The following UIMC1 variants were observed in gnomAD, a reference collection of about 807,000 sequenced individuals.
UIMC1 encodes BRCA1-A complex subunit RAP80.
Under a neutral mutation model 84.9 loss-of-function variants are expected in UIMC1, and 42 were observed. That is an observed-to-expected ratio of 0.49 (90% CI 0.39 to 0.64). The LOEUF is 0.64. UIMC1 is among the 30% of genes least tolerant of loss of function. UIMC1 has a pLI of 0.00. For synonymous variants in UIMC1, 281 were observed against 293.0 expected, an observed-to-expected ratio of 0.96 and a Z score of 0.42; for missense variants, 825 against 847.6, an observed-to-expected ratio of 0.97 and a Z score of 0.33.
chr5:177,019,943 T>C (rs1166841141), intron 1 of UIMC1, among the ~76,000 whole-genome samples: 3 of 151,542 alleles, frequency 2.0e-5, no homozygotes, highest in Admixed American at 6.6e-5. Context: ...AAAAAAAAAT[T>C]GTAAAACACT....
intron 10 of UIMC1, among the ~76,000 whole-genome samples, chr5:176,929,878 G>T (rs1428077152): frequency 1.3e-5 from 2 of 152,122 alleles, no homozygotes; most frequent in Non-Finnish European, 2.9e-5. Context: ...TCCTTCTAAA[G>T]AATCATCAAT....
intron 10 of UIMC1, among the ~76,000 whole-genome samples, chr5:176,925,791 A>C (rs1762321407): frequency 6.6e-6 from 1 of 152,132 alleles, no homozygotes; most frequent in South Asian, 2.1e-4. Flanking sequence ...ATATGAGGGA[A>C]TCTTCCAGGG....
chr5:177,013,080 C>CAAA (rs35280210), intron 1 of UIMC1, among the ~76,000 whole-genome samples: 1,500 of 131,596 alleles, frequency 0.011, 7 homozygotes, highest in South Asian at 0.025. Context: ...GATCTTGTAT[C>CAAA]AAAAAAAAAA....
At chr5:176,911,196 A>C (rs1760163068) in intron 11 of UIMC1, 115 bp downstream of exon 11, 9 of 709,844 alleles carry the variant, frequency 1.3e-5, no homozygotes, top group Non-Finnish European at 1.5e-5. Flanking sequence ...CATCCAAGCA[A>C]TGAAGCAATT....
Position 176,998,183 on chromosome 5 carries a change from G to A in UIMC1, c.-9+8467C>T, listed in dbSNP as rs115921952. ...ACCAAATGCTGTGGCAAATGATAGG[G>A]GATCAATAAATACTTATTTGCAGTG... On this transcript the variant is annotated intron_variant, in intron 1 of 14. Transcript: ENST00000511320. Among the ~76,000 whole-genome samples, 503 of 152,090 alleles carry A rather than the reference G, an allele frequency of 3.3e-3. 8 individuals carry two copies. The highest frequency in any genetic ancestry group is 0.011 in the African/African-American group (467 of 41,492).
At chr5:176,978,274 G>A (rs1038768029) in intron 2 of UIMC1, among the ~76,000 whole-genome samples, 4 of 152,052 alleles carry the variant, frequency 2.6e-5, no homozygotes, top group Admixed American at 6.5e-5. Flanking sequence ...TCGCGAGGCT[G>A]AGGCAGGAGA....
intron 10 of UIMC1, chr5:176,919,064 C>T (rs899576417): frequency 2.4e-5 from 5 of 206,888 alleles, no homozygotes; most frequent in South Asian, 5.0e-5. Flanking sequence ...ATATCCATTC[C>T]GATTCCTGTA....
rs149238507 is a variant in UIMC1, at chr5:176,921,042, G to A, written c.1598-9653C>T. ...TCTGTGTCCATTTAGATATCGTGTG[G>A]TTTTTGTCCTTTGTTCTATGATACA... is the stretch of plus-strand genomic sequence containing the variant. On this transcript the variant is annotated intron_variant, in intron 10 of 14. Transcript: ENST00000511320. Among the ~76,000 whole-genome samples, 5 of 152,244 alleles carry A rather than the reference G, an allele frequency of 3.3e-5. No homozygotes were observed. The East Asian group carries it at 7.7e-4, about 23-fold the overall frequency.
intron 6 of UIMC1, among the ~76,000 whole-genome samples, chr5:176,958,741 G>A (rs1041337682): frequency 6.6e-6 from 1 of 152,200 alleles, no homozygotes; most frequent in Non-Finnish European, 1.5e-5. Context: ...CTGGCTACAG[G>A]ATTATCTTTT....
intron 10 of UIMC1, among the ~76,000 whole-genome samples, chr5:176,920,058 G>A (rs1433182571): frequency 6.6e-6 from 1 of 152,134 alleles, no homozygotes; most frequent in Non-Finnish European, 1.5e-5. Context: ...TTTCGCTCTT[G>A]TTGCCCAGGC....
intron 9 of UIMC1, among the ~76,000 whole-genome samples, chr5:176,949,358 T>C (rs1250870128): frequency 2.6e-5 from 4 of 152,210 alleles, no homozygotes; most frequent in Non-Finnish European, 4.4e-5. Context: ...GTGTACACCA[T>C]AAATTCTAAA....
intron 10 of UIMC1, among the ~76,000 whole-genome samples, chr5:176,923,389 T>C (rs903262896): frequency 1.3e-5 from 2 of 152,032 alleles, no homozygotes; most frequent in African/African-American, 4.8e-5. Flanking sequence ...TAAAATACAC[T>C]TCAAGAAATA....
intron 1 of UIMC1, among the ~76,000 whole-genome samples, chr5:177,016,046 A>G (rs1775660958): frequency 6.6e-6 from 1 of 151,848 alleles, no homozygotes; most frequent in African/African-American, 2.4e-5. Flanking sequence ...CAGTCTGGGC[A>G]ACAGAAGAAG....
In UIMC1 at chr5:176,969,168, C is replaced by A; in HGVS notation, c.587G>T (p.Gly196Val). 6.2e-7 allele frequency: 1 copy of A among 1,614,170 alleles called. No homozygotes were observed. Among genetic ancestry groups the A allele is most frequent in the African/African-American group, 1.3e-5 (1 of 75,056 alleles). ...TGACTGGTCCCAGCTTCCTGAGCTGCCAGAGACCGGCTCCTCTTCAGTTTT... is the reference window on the plus strand; with the variant it reads ...TGACTGGTCCCAGCTTCCTGAGCTGACAGAGACCGGCTCCTCTTCAGTTTT... ...TEKTEEEPVS[G>V]SSGSWDQSSQ... The change falls in exon 6 of 15, where the codon GGC becomes GTC. Residue 196 changes from glycine (G) to valine (V), a missense_variant. Coordinates refer to ENST00000511320, the MANE Select transcript of UIMC1 (RefSeq NM_001199298.2).
At chr5:176,909,167 T>A (rs576234678) in intron 11 of UIMC1, among the ~76,000 whole-genome samples, 16 of 152,392 alleles carry the variant, frequency 1.0e-4, no homozygotes, top group African/African-American at 3.8e-4. Context: ...GCTGACTTCC[T>A]TAATTCTACA....
At position 176,911,406 on chromosome 5, in the gene UIMC1, T is replaced by C. The variant is rs150745088; in HGVS notation, c.1598-17A>G. The C allele has an allele frequency of 6.9e-7, 1 of 1,448,842 alleles. No homozygotes were observed. Among genetic ancestry groups the C allele is most frequent in the Non-Finnish European group, 9.3e-7 (1 of 1,079,668 alleles). 89.7% of individuals were successfully genotyped at this position (1,448,842 alleles called of 1,614,324 possible). ...GAGTCAATACTTTTAATATAAAAAA[T>C]ATATATATATACACATAGTTAGCTG... On this transcript the variant is annotated splice_polypyrimidine_tract_variant and intron_variant, in intron 10 of 14. Transcript: ENST00000511320.
In UIMC1 at chr5:176,994,203, C is replaced by T. The variant is rs1460871552; in HGVS notation, c.-8-11580G>A. 8.6e-5 allele frequency among the ~76,000 whole-genome samples: 13 copies of T among 151,600 alleles called. No homozygotes were observed. In the East Asian group the frequency reaches 1.9e-3, roughly 22 times the overall value. On this transcript the variant is annotated intron_variant, in intron 1 of 14. Coordinates refer to ENST00000511320, the MANE Select transcript of UIMC1 (RefSeq NM_001199298.2). ...CCTGAACAACACACTGAGACCCTAT[C>T]TCAAAAGAAAAAATAAAAAAAGACA...
intron 6 of UIMC1, among the ~76,000 whole-genome samples, chr5:176,965,710 G>A (rs748843802): frequency 6.6e-6 from 1 of 152,140 alleles, no homozygotes; most frequent in African/African-American, 2.4e-5. Context: ...TTGGTGGTCT[G>A]GTCATGAAGT....
intron 10 of UIMC1, 32 bp from the exon 11 acceptor site, chr5:176,911,421 ATAGT>A: frequency 2.1e-6 from 3 of 1,406,384 alleles, no homozygotes; most frequent in Non-Finnish European, 2.8e-6. Context: ...ATATATACAC[ATAGT>A]TAGCTGCCAG....
Sources: gnomAD v4.1 joint callset for allele counts (sites outside exome capture counted in the v4.1 genomes callset) on GRCh38, gnomAD v4.1.1 for gene constraint, MANE v1.5 for transcripts, NCBI Gene and HGNC (gene_info 2026-07-23, HGNC 2026-07-21) for gene names.